SLC25A25: variants seen among roughly 807,000 people sequenced by gnomAD.
SLC25A25 encodes the protein solute carrier family 25 member 25.
Under a neutral mutation model 57.7 loss-of-function variants are expected in SLC25A25, and 32 were observed. The ratio of observed to expected loss-of-function variants is 0.55; its 90% CI spans 0.42 to 0.74. SLC25A25 has a LOEUF of 0.74. Ranked by LOEUF, SLC25A25 falls within the 30% of genes least tolerant of loss-of-function variation. The pLI is 0.00. For synonymous variants in SLC25A25, 306 were observed against 291.2 expected (o/e 1.05, Z -0.52); for missense variants, 556 against 701.3 (o/e 0.79, Z 2.34).
chr9:128,071,221 G>A (rs1439457767), intron 1 of SLC25A25, among the ~76,000 whole-genome samples: 1 of 152,130 alleles, frequency 6.6e-6, no homozygotes, highest in Non-Finnish European at 1.5e-5. Context: ...TAAGGAGAAA[G>A]TGATCATTTT....
rs1254014117 is a variant in SLC25A25, at chr9:128,106,407, G to T, written c.1099G>T (p.Asp367Tyr). Residue 367 changes from aspartate to tyrosine, a missense_variant, in exon 9 of 11, where the codon GAC (aspartate) becomes TAC (tyrosine). Transcript: ENST00000373069. Reference sequence around the variant, plus strand: ...GACAGGCCAGTACTCAGGAATGCTGGACTGCGCCAGGAGGATCCTGGCCAG... The same window carrying T: ...GACAGGCCAGTACTCAGGAATGCTGTACTGCGCCAGGAGGATCCTGGCCAG... ...RKTGQYSGML[D>Y]CARRILAREG... 6.2e-7 allele frequency: 1 copy of T among 1,613,778 alleles called. No individual in the cohort carries two copies. Among genetic ancestry groups the T allele is most frequent in the East Asian group, 2.2e-5 (1 of 44,886 alleles).
intron 1 of SLC25A25, among the ~76,000 whole-genome samples, chr9:128,090,614 C>T (rs998748457): frequency 5.9e-5 from 9 of 151,868 alleles, no homozygotes; most frequent in Admixed American, 5.3e-4. Flanking sequence ...AGTTTGAGAC[C>T]AGCCTGGTCA....
chr9:128,103,778 G>C lies in SLC25A25; in HGVS notation c.722G>C (p.Gly241Ala). Reference protein sequence around the residue: ...MWWRHLVAGGGAGAVSRTCTA... With the variant: ...MWWRHLVAGGAAGAVSRTCTA... ...TGGAGACACCTGGTGGCAGGAGGTG[G>C]GGCAGGGGCCGTATCCAGAACCTGC... is the stretch of plus-strand genomic sequence containing the variant. Residue 241 changes from glycine (G) to alanine (A), a missense_variant, in exon 6 of 11, where the codon GGG (glycine) becomes GCG (alanine). This residue lies in a region of SLC25A25 where 294 missense variants were observed against 389.6 expected (regional missense o/e 0.75). Coordinates refer to ENST00000373069, the MANE Select transcript of SLC25A25 (RefSeq NM_001330988.2). The surrounding 1 kb of genome is among the most constrained non-coding windows in gnomAD (Gnocchi z 6.7). The C allele has an allele frequency of 1.2e-6, 2 of 1,613,906 alleles. No homozygotes were observed. The highest frequency in any genetic ancestry group is 1.7e-6 in the Non-Finnish European group (2 of 1,179,916).
chr9:128,071,480 T>C (rs1440525427), intron 1 of SLC25A25, among the ~76,000 whole-genome samples: 4 of 152,106 alleles, frequency 2.6e-5, no homozygotes, highest in Admixed American at 6.6e-5. Flanking sequence ...TGATCTCAGC[T>C]CACTGCAACC....
Position 128,068,368 on chromosome 9 carries a change from GCCGCCGCCA to G in SLC25A25, c.58_66del (p.Thr20_Ala22del), listed in dbSNP as rs1564174533. 7 of 1,543,906 alleles carry G rather than the reference GCCGCCGCCA, an allele frequency of 4.5e-6. No homozygotes were observed. The highest frequency in any genetic ancestry group is 3.5e-5 in the South Asian group (3 of 85,448). On this transcript the variant is annotated inframe_deletion, in exon 1 of 11. Transcript: ENST00000373069. ...CTGTGTGGCCTCCCCGCCGCCGGACGCCGCCGCCACCGCCGCCTCTTCGTCTGCCTCATC... is the reference window on the plus strand; with the variant it reads ...CTGTGTGGCCTCCCCGCCGCCGGACGCCGCCGCCTCTTCGTCTGCCTCATC...
chr9:128,069,640 T>G (rs1832857082), intron 1 of SLC25A25, among the ~76,000 whole-genome samples: 1 of 152,232 alleles, frequency 6.6e-6, no homozygotes, highest in Non-Finnish European at 1.5e-5. Context: ...TCAAGATTCT[T>G]GGATCAACAT....
In SLC25A25 at chr9:128,101,432, T is replaced by G; in HGVS notation, c.476+36T>G. Reference sequence around the variant, plus strand: ...AGCCAGCCTCTGTGTTTGGTTTAAGTGTGATGAAGGGAAGGCTCTGAGACT... The same window carrying G: ...AGCCAGCCTCTGTGTTTGGTTTAAGGGTGATGAAGGGAAGGCTCTGAGACT... On this transcript the variant is annotated intron_variant, in intron 3 of 10. Transcript: ENST00000373069. This position sits in a 1 kb window ranked among gnomAD's most constrained non-coding sequence, Gnocchi z 4.9. 2 of 1,607,058 alleles carry G rather than the reference T, an allele frequency of 1.2e-6. No homozygotes were observed. The highest frequency in any genetic ancestry group is 1.7e-6 in the Non-Finnish European group (2 of 1,174,608).
Position 128,107,595 on chromosome 9 carries a change from C to A in SLC25A25, c.*151C>A. ...GCACCCGCAGGGAGGGTGGGGAGAG[C>A]TGGCAGGCCCAGGGCTTGTCCTGCT... On this transcript the variant is annotated 3_prime_UTR_variant, in exon 11 of 11. Coordinates refer to ENST00000373069, the MANE Select transcript of SLC25A25 (RefSeq NM_001330988.2). 1.1e-6 allele frequency: 1 copy of A among 907,358 alleles called. No individual in the cohort carries two copies. Among genetic ancestry groups the A allele is most frequent in the Non-Finnish European group, 1.5e-6 (1 of 647,222 alleles). The allele number at this position is 907,358 out of a possible 1,614,324, so 56.2% of individuals were successfully genotyped here.
At chr9:128,082,790 G>A (rs1833182562) in intron 1 of SLC25A25, among the ~76,000 whole-genome samples, 1 of 151,918 alleles carries the variant, frequency 6.6e-6, no homozygotes, top group Non-Finnish European at 1.5e-5. Context: ...GAATCACCAC[G>A]CCTGGCTAAT....
intron 1 of SLC25A25, among the ~76,000 whole-genome samples, chr9:128,069,664 C>T (rs1383626449): frequency 1.3e-5 from 2 of 152,278 alleles, no homozygotes; most frequent in African/African-American, 4.8e-5. Flanking sequence ...AGGTATTTAG[C>T]GCTAACTATT....
chr9:128,099,200 G>A lies in SLC25A25; in HGVS notation c.262-1896G>A, dbSNP rs1564190113. 6 of 1,271,888 alleles carry A rather than the reference G, an allele frequency of 4.7e-6. No homozygotes were observed. The highest frequency in any genetic ancestry group is 1.5e-5 in the African/African-American group (1 of 64,548). The allele number at this position is 1,271,888 out of a possible 1,614,324, so 78.8% of individuals were successfully genotyped here. On this transcript the variant is annotated intron_variant, in intron 1 of 10. Coordinates refer to ENST00000373069, the MANE Select transcript of SLC25A25 (RefSeq NM_001330988.2). This position sits in a 1 kb window ranked among gnomAD's most constrained non-coding sequence, Gnocchi z 6.8. Reference sequence around the variant, plus strand: ...GGCCTGTGTCTGCCCTGAAAGTGAGGAAGCCGAGCTGCAGAGTCCGGAGGC... The same window carrying A: ...GGCCTGTGTCTGCCCTGAAAGTGAGAAAGCCGAGCTGCAGAGTCCGGAGGC...
rs192815286 is a variant in SLC25A25, at chr9:128,098,448, T to G, written c.262-2648T>G. 4,065 of 1,465,966 alleles carry G rather than the reference T, an allele frequency of 2.8e-3. 21 individuals carry two copies. The highest frequency in any genetic ancestry group is 0.016 in the Admixed American group (610 of 39,256). The allele number at this position is 1,465,966 out of a possible 1,614,324, so 90.8% of individuals were successfully genotyped here. A position where few individuals can be genotyped will look rare whatever the true frequency, so the allele number is the denominator to read the frequency against. On this transcript the variant is annotated intron_variant, in intron 1 of 10. Transcript: ENST00000373069. The stretch of plus-strand genomic sequence containing the variant: ...TTTCAATTAAGTAAAAGGGCAGGGC[T>G]TAAGCAGCCAATGACAGCTGAGGCC...
At position 128,091,240 on chromosome 9, in the gene SLC25A25, G is replaced by A. The variant is rs1045803080; in HGVS notation, c.262-9856G>A. On this transcript the variant is annotated intron_variant, in intron 1 of 10. Transcript: ENST00000373069. ...GAGGGCAGGGAGTTACTTTTGCTAC[G>A]GAGCCAGCTCAGAGTGGATTCTGTA... 2.9e-5 allele frequency: 5 copies of A among 174,550 alleles called. No homozygotes were observed. In the South Asian group the frequency reaches 7.6e-4, roughly 27 times the overall value. The allele number at this position is 174,550 out of a possible 1,614,324, so 10.8% of individuals were successfully genotyped here.
At chr9:128,105,633 CT>C in intron 6 of SLC25A25, 95 bp from the exon 7 acceptor site, 1 of 1,589,034 alleles carries the variant, frequency 6.3e-7, no homozygotes, top group Non-Finnish European at 8.6e-7. Context: ...AGGGCCTTCC[CT>C]TTGGCCGCAG....
chr9:128,077,130 TCTC>T (rs1488220050), intron 1 of SLC25A25, among the ~76,000 whole-genome samples: 5 of 152,198 alleles, frequency 3.3e-5, no homozygotes, highest in Non-Finnish European at 5.9e-5. Context: ...ATCATGCACT[TCTC>T]AGGTGACGTG....
intron 1 of SLC25A25, among the ~76,000 whole-genome samples, chr9:128,080,397 T>C (rs1195543955): frequency 6.7e-6 from 1 of 150,356 alleles, no homozygotes; most frequent in Non-Finnish European, 1.5e-5. Flanking sequence ...GTTAAGTCCT[T>C]ATCTGTAGAG....
intron 1 of SLC25A25, among the ~76,000 whole-genome samples, chr9:128,093,035 G>A (rs1331471359): frequency 6.6e-6 from 1 of 152,220 alleles, no homozygotes; most frequent in African/African-American, 2.4e-5. Context: ...AATCAGAGAA[G>A]AAAAGGAGAT....
Position 128,103,959 on chromosome 9 carries a change from A to C in SLC25A25, c.783+120A>C. The C allele has an allele frequency of 9.6e-7, 1 of 1,039,654 alleles. No homozygotes were observed. The highest frequency in any genetic ancestry group is 1.3e-6 in the Non-Finnish European group (1 of 744,952). The allele number at this position is 1,039,654 out of a possible 1,614,324, so 64.4% of individuals were successfully genotyped here. On this transcript the variant is annotated intron_variant, in intron 6 of 10. Coordinates refer to ENST00000373069, the MANE Select transcript of SLC25A25 (RefSeq NM_001330988.2). This position sits in a 1 kb window ranked among gnomAD's most constrained non-coding sequence, Gnocchi z 6.7. ...TTTGGGCCCAAACTTTTCTAACCCAATAAATTAGACTAGAATTATTGCTCA... is the reference window on the plus strand; with the variant it reads ...TTTGGGCCCAAACTTTTCTAACCCACTAAATTAGACTAGAATTATTGCTCA...
chr9:128,098,613 C>T (rs1833646059), intron 1 of SLC25A25: 2 of 1,613,996 alleles, frequency 1.2e-6, no homozygotes, highest in Non-Finnish European at 1.7e-6. Flanking sequence ...GAAGCCCAGA[C>T]CGAGTTCCAG....
Sources: gnomAD v4.1 joint callset for allele counts (sites outside exome capture counted in the v4.1 genomes callset) on GRCh38, gnomAD v4.1.1 for gene constraint, gnomAD v4.1.1 regional missense constraint, Gnocchi (gnomAD v3.1) non-coding constraint, MANE v1.5 for transcripts, NCBI Gene and HGNC (gene_info 2026-07-23, HGNC 2026-07-21) for gene names.